The following NALF1 variants were observed in gnomAD, a reference collection of about 807,000 sequenced individuals.
The protein encoded by NALF1 is NALCN channel auxiliary factor 1.
In NALF1, 3 loss-of-function variants were observed where a neutral mutation model predicts 48.4. The observed-to-expected ratio is 0.06, with a 90% CI of 0.03 to 0.16. NALF1 has a LOEUF of 0.16. NALF1 is among the 10% of genes least tolerant of loss of function. The pLI, the probability that NALF1 is intolerant of heterozygous loss-of-function variation, is 1.00. For synonymous variants in NALF1, 262 were observed against 245.7 expected, an observed-to-expected ratio of 1.07 and a Z score of -0.62; for missense variants, 526 against 571.5, an observed-to-expected ratio of 0.92 and a Z score of 0.81.
chr13:107,343,316 G>A (rs1052912453), intron 1 of NALF1, among the ~76,000 whole-genome samples: 16 of 152,302 alleles, frequency 1.1e-4, no homozygotes, highest in African/African-American at 3.8e-4. Flanking sequence ...GATATGGTTT[G>A]ACTTTGTCCC....
chr13:107,758,978 T>G (rs190150623), intron 1 of NALF1, among the ~76,000 whole-genome samples: 16 of 152,208 alleles, frequency 1.1e-4, no homozygotes, highest in East Asian at 5.8e-4. Context: ...AGTGTGAGGA[T>G]AACTCTACAA....
At chr13:107,370,129 T>C (rs1431417189) in intron 1 of NALF1, among the ~76,000 whole-genome samples, 2 of 103,102 alleles carry the variant, frequency 1.9e-5, no homozygotes, top group African/African-American at 3.1e-5. Flanking sequence ...GTAAACTTGG[T>C]TTGAGGAAAA....
At chr13:107,601,022 G>A (rs1436435580) in intron 1 of NALF1, among the ~76,000 whole-genome samples, 16 of 152,132 alleles carry the variant, frequency 1.1e-4, no homozygotes, top group Admixed American at 1.0e-3. Flanking sequence ...AGTCACGGTA[G>A]GTCTTCCTAA....
intron 1 of NALF1, among the ~76,000 whole-genome samples, chr13:107,708,304 T>C (rs1875463599): frequency 1.3e-5 from 2 of 152,144 alleles, no homozygotes; most frequent in Admixed American, 1.3e-4. Context: ...ATAATTATAC[T>C]TATGGATGCT....
rs555993208 is a variant in NALF1 at position 107,490,165 on chromosome 13, T to C, written c.916-279410A>G. On this transcript the variant is annotated intron_variant, in intron 1 of 2. Transcript: ENST00000375915. ...AGGTCAACCATTGTAGAAGACAATA[T>C]GGTAATTCCTCACCTAAAGACAGAA... 5.9e-5 allele frequency among the ~76,000 whole-genome samples: 9 copies of C among 152,302 alleles called. No homozygotes were observed. In the South Asian group the frequency reaches 1.7e-3, roughly 28 times the overall value.
rs558619452 is a variant in NALF1, at chr13:107,199,101, T to C, written c.1087+11483A>G. On this transcript the variant is annotated intron_variant, in intron 2 of 2. Coordinates refer to ENST00000375915, the MANE Select transcript of NALF1 (RefSeq NM_001080396.3). The stretch of plus-strand genomic sequence containing the variant: ...GCTTTTAGGGTGGGTCCTAGTTCAA[T>C]AGGACAGATGTCATTATTGGGGTGC... 2.6e-5 allele frequency among the ~76,000 whole-genome samples: 4 copies of C among 151,922 alleles called. No homozygotes were observed. In the South Asian group the frequency reaches 8.4e-4, roughly 32 times the overall value.
In NALF1 at chr13:107,264,852, C is replaced by A. The variant is rs1269282242; in HGVS notation, c.916-54097G>T. ...CTTTGACATTGTTCATTTTAAATAG[C>A]TGCGTGCATGCTTCATAATCTAATT... is the stretch of plus-strand genomic sequence containing the variant. On this transcript the variant is annotated intron_variant, in intron 1 of 2. Coordinates refer to ENST00000375915, the MANE Select transcript of NALF1 (RefSeq NM_001080396.3). Among the ~76,000 whole-genome samples the A allele has an allele frequency of 2.6e-5, 4 of 152,284 alleles. No individual in the cohort carries two copies. The East Asian group carries it at 5.8e-4, about 22-fold the overall frequency.
intron 1 of NALF1, among the ~76,000 whole-genome samples, chr13:107,463,284 TAAAGA>T (rs996709791): frequency 6.6e-6 from 1 of 152,190 alleles, no homozygotes; most frequent in African/African-American, 2.4e-5. Context: ...ACACATAGAT[TAAAGA>T]AATGGATTTA....
At chr13:107,307,634 T>TC (rs1881962775) in intron 1 of NALF1, among the ~76,000 whole-genome samples, 1 of 84,774 alleles carries the variant, frequency 1.2e-5, no homozygotes, top group Non-Finnish European at 2.8e-5. Flanking sequence ...TCCTTTTTTA[T>TC]TAAAAAAAAA....
At chr13:107,724,686 T>A (rs1209923922) in intron 1 of NALF1, among the ~76,000 whole-genome samples, 1 of 152,078 alleles carries the variant, frequency 6.6e-6, no homozygotes, top group Non-Finnish European at 1.5e-5. Flanking sequence ...CTCAGCCTCC[T>A]GAATAGCTGG....
At chr13:107,317,946 T>C (rs965274806) in intron 1 of NALF1, among the ~76,000 whole-genome samples, 1 of 151,966 alleles carries the variant, frequency 6.6e-6, no homozygotes, top group Non-Finnish European at 1.5e-5. Context: ...ATTTTTGGAA[T>C]AAAAATGCTT....
chr13:107,258,423 C>T (rs61464611), intron 1 of NALF1, among the ~76,000 whole-genome samples: 160 of 152,256 alleles, frequency 1.1e-3, no homozygotes, highest in African/African-American at 3.6e-3. Flanking sequence ...TGCCATATCC[C>T]GTTCCTGCAG....
chr13:107,801,853 G>A (rs968498679), intron 1 of NALF1, among the ~76,000 whole-genome samples: 4 of 151,522 alleles, frequency 2.6e-5, no homozygotes, highest in Non-Finnish European at 2.9e-5. Flanking sequence ...TTTCCTCTTC[G>A]CACAGCCAGC....
chr13:107,686,946 T>C (rs1881445920), intron 1 of NALF1, among the ~76,000 whole-genome samples: 2 of 152,202 alleles, frequency 1.3e-5, no homozygotes, highest in Non-Finnish European at 2.9e-5. Flanking sequence ...ATTCCACTAC[T>C]GGGTATCCAT....
At chr13:107,765,954 G>C (rs190667143) in intron 1 of NALF1, among the ~76,000 whole-genome samples, 1 of 151,996 alleles carries the variant, frequency 6.6e-6, no homozygotes, top group Non-Finnish European at 1.5e-5. Flanking sequence ...TCTTTATCTA[G>C]GTCACATTGC....
intron 1 of NALF1, among the ~76,000 whole-genome samples, chr13:107,798,905 G>C (rs1047244162): frequency 6.6e-6 from 1 of 152,122 alleles, no homozygotes; most frequent in Non-Finnish European, 1.5e-5. Context: ...CACATACATC[G>C]TAGCCTTTTG....
intron 1 of NALF1, among the ~76,000 whole-genome samples, chr13:107,259,207 T>C (rs1880881096): frequency 1.3e-5 from 2 of 152,168 alleles, no homozygotes; most frequent in African/African-American, 2.4e-5. Flanking sequence ...AACTTTTTGA[T>C]GTAAAGTCTT....
At chr13:107,556,786 T>C (rs1215721360) in intron 1 of NALF1, among the ~76,000 whole-genome samples, 4 of 152,148 alleles carry the variant, frequency 2.6e-5, no homozygotes, top group African/African-American at 9.7e-5. Flanking sequence ...TATTGTTCAA[T>C]AGTTTCTTCA....
Position 107,739,837 on chromosome 13 carries a change from T to C in NALF1, c.915+125845A>G, listed in dbSNP as rs150827225. Among the ~76,000 whole-genome samples, 962 of 152,256 alleles carry C rather than the reference T, an allele frequency of 6.3e-3. 6 individuals carry two copies. Among genetic ancestry groups the C allele is most frequent in the African/African-American group, 0.022 (915 of 41,538 alleles). On this transcript the variant is annotated intron_variant, in intron 1 of 2. Transcript: ENST00000375915. ...CATCGGTGGCAGCATCAGATGCACATAGAAGCGCAAACCCTATTGTAAACT... is the reference window on the plus strand; with the variant it reads ...CATCGGTGGCAGCATCAGATGCACACAGAAGCGCAAACCCTATTGTAAACT...
Sources: gnomAD v4.1 joint callset for allele counts (sites outside exome capture counted in the v4.1 genomes callset) on GRCh38, gnomAD v4.1.1 for gene constraint, MANE v1.5 for transcripts, NCBI Gene and HGNC (gene_info 2026-07-23, HGNC 2026-07-21) for gene names.